Variants in TBL1XR1 observed in about 807,000 individuals in gnomAD.
The protein encoded by TBL1XR1 is F-box-like/WD repeat-containing protein TBL1XR1.
TBL1XR1 carries 5 observed loss-of-function variants against 66.9 expected under a neutral mutation model. That is an observed-to-expected ratio of 0.07 (90% CI 0.04 to 0.16). The LOEUF is 0.16. Among genes scored for constraint, TBL1XR1 ranks in the 10% least tolerant of loss-of-function variants. The pLI, the probability that TBL1XR1 is intolerant of heterozygous loss-of-function variation, is 1.00. For synonymous variants in TBL1XR1, 210 were observed against 206.0 expected (o/e 1.02, Z -0.17); for missense variants, 238 against 623.2 (o/e 0.38, Z 6.58).
rs190342822 is a variant in TBL1XR1, at chr3:177,098,406, C to T, written c.-46+60G>A. ...AATTGTGAGAAACTTTCAAAATTCT[C>T]AAAAGATTCTAAAAACAAGAGAATA... On this transcript the variant is annotated intron_variant, in intron 2 of 15. Transcript: ENST00000457928. 3.7e-5 allele frequency: 35 copies of T among 935,538 alleles called. No homozygotes were observed. The African/African-American group carries it at 5.3e-4, about 14-fold the overall frequency. 58.0% of individuals were successfully genotyped at this position (935,538 alleles called of 1,614,324 possible).
intron 1 of TBL1XR1, among the ~76,000 whole-genome samples, chr3:177,101,407 T>C (rs1255465272): frequency 6.6e-6 from 1 of 152,224 alleles, no homozygotes; most frequent in African/African-American, 2.4e-5. Flanking sequence ...TGTGTTTTAA[T>C]TGTGTCCCTC....
At position 177,047,662 on chromosome 3, in the gene TBL1XR1, C is replaced by T. The variant is rs370669070; in HGVS notation, c.703-113G>A. 1.2e-5 allele frequency: 15 copies of T among 1,240,936 alleles called. No homozygotes were observed. In the African/African-American group the frequency reaches 2.0e-4, roughly 16 times the overall value. The allele number at this position is 1,240,936 out of a possible 1,614,324, so 76.9% of individuals were successfully genotyped here. A position where few individuals can be genotyped will look rare whatever the true frequency, so the allele number is the denominator to read the frequency against. ...CAGAAGAGAATGAAGACATTCTCTG[C>T]TTCAAAACTTGTCAGTTTTGCCTAC... On this transcript the variant is annotated intron_variant, in intron 7 of 15. Coordinates refer to ENST00000457928, the MANE Select transcript of TBL1XR1 (RefSeq NM_024665.7).
chr3:177,046,393 C>T (rs2108474974), intron 9 of TBL1XR1, among the ~76,000 whole-genome samples: 1 of 152,194 alleles, frequency 6.6e-6, no homozygotes, highest in Admixed American at 6.5e-5. Context: ...GATGATTTTG[C>T]ATTGGTCAAC....
intron 1 of TBL1XR1, among the ~76,000 whole-genome samples, chr3:177,125,106 A>G (rs1397136903): frequency 2.6e-5 from 4 of 152,170 alleles, no homozygotes; most frequent in African/African-American, 9.7e-5. Flanking sequence ...TTTCATTTCA[A>G]AAGACAACAT....
At chr3:177,094,357 C>A (rs1723197013) in intron 2 of TBL1XR1, among the ~76,000 whole-genome samples, 1 of 152,112 alleles carries the variant, frequency 6.6e-6, no homozygotes, top group Non-Finnish European at 1.5e-5. Flanking sequence ...GAAAAGGGAA[C>A]ACTTACACTG....
rs76469186 is a variant in TBL1XR1, at chr3:177,138,876, C to A, written c.-121-40335G>T. On this transcript the variant is annotated intron_variant, in intron 1 of 15. Transcript: ENST00000457928. The stretch of plus-strand genomic sequence containing the variant: ...GAGCAGGGTACCATGTGCCTGCTGA[C>A]TCCTCACCCATACTCCCTAGAAGGA... 9.3e-4 allele frequency among the ~76,000 whole-genome samples: 141 copies of A among 152,296 alleles called. 4 individuals carry two copies. The East Asian group carries it at 0.025, about 28-fold the overall frequency.
At chr3:177,164,777 G>C (rs1732628988) in intron 1 of TBL1XR1, among the ~76,000 whole-genome samples, 1 of 152,168 alleles carries the variant, frequency 6.6e-6, no homozygotes, top group Non-Finnish European at 1.5e-5. Context: ...CAGAGTCAAT[G>C]AAATCTCTAT....
At chr3:177,059,023 T>C (rs958574512) in intron 3 of TBL1XR1, among the ~76,000 whole-genome samples, 6 of 152,238 alleles carry the variant, frequency 3.9e-5, no homozygotes, top group African/African-American at 1.4e-4. Flanking sequence ...ATCAAGGTTA[T>C]TCTGTATTTC....
At chr3:177,127,468 A>G (rs1727778481) in intron 1 of TBL1XR1, among the ~76,000 whole-genome samples, 1 of 152,230 alleles carries the variant, frequency 6.6e-6, no homozygotes, top group African/African-American at 2.4e-5. Flanking sequence ...AGTATCTGGT[A>G]TAGCAGGTGC....
At chr3:177,183,240 T>C (rs996073817) in intron 1 of TBL1XR1, among the ~76,000 whole-genome samples, 3 of 152,204 alleles carry the variant, frequency 2.0e-5, no homozygotes, top group African/African-American at 7.2e-5. Context: ...CTAAATTCAC[T>C]GAATAAAATT....
chr3:177,152,569 G>A (rs1442356433), intron 1 of TBL1XR1, among the ~76,000 whole-genome samples: 1 of 152,186 alleles, frequency 6.6e-6, no homozygotes, highest in African/African-American at 2.4e-5. Flanking sequence ...ACAGGCGTGA[G>A]CGTGAGCCAT....
intron 3 of TBL1XR1, among the ~76,000 whole-genome samples, chr3:177,055,543 GGGGGGCGGGGC>G (rs1560123459): frequency 6.6e-6 from 1 of 150,572 alleles, no homozygotes; most frequent in African/African-American, 2.4e-5. Flanking sequence ...GATACCAATC[GGGGGGCGGGGC>G]GGGGGTGGGG....
Position 177,033,717 on chromosome 3 carries a change from G to A in TBL1XR1, c.1250+481C>T, listed in dbSNP as rs147425253. On this transcript the variant is annotated intron_variant, in intron 13 of 15. Coordinates refer to ENST00000457928, the MANE Select transcript of TBL1XR1 (RefSeq NM_024665.7). The stretch of plus-strand genomic sequence containing the variant: ...GCTAACAAGTGGATAAAGAAAATGT[G>A]GTATACATACACCATGGAATACTAC... Among the ~76,000 whole-genome samples the A allele has an allele frequency of 5.2e-3, 798 of 152,036 alleles. 12 individuals are homozygous for A. Among genetic ancestry groups the A allele is most frequent in the African/African-American group, 0.019 (771 of 41,490 alleles).
Position 177,112,103 on chromosome 3 carries a change from A to T in TBL1XR1, c.-121-13562T>A, listed in dbSNP as rs1405928554. Among the ~76,000 whole-genome samples the T allele has an allele frequency of 6.9e-3, 325 of 46,892 alleles. 10 individuals are homozygous for T. Among genetic ancestry groups the T allele is most frequent in the East Asian group, 0.018 (19 of 1,072 alleles). The allele number at this position is 46,892 out of a possible 152,430, so 30.8% of individuals were successfully genotyped here. On this transcript the variant is annotated intron_variant, in intron 1 of 15. Coordinates refer to ENST00000457928, the MANE Select transcript of TBL1XR1 (RefSeq NM_024665.7). ...TATATATATATATATATATATATAT[A>T]TATATTTTTTTTTTTTTTTTTTGTG...
chr3:177,046,395 T>C (rs1001410120), intron 9 of TBL1XR1, among the ~76,000 whole-genome samples: 1 of 152,170 alleles, frequency 6.6e-6, no homozygotes, highest in African/African-American at 2.4e-5. Flanking sequence ...TGATTTTGCA[T>C]TGGTCAACTT....
intron 2 of TBL1XR1, among the ~76,000 whole-genome samples, chr3:177,066,329 G>A (rs1426575761): frequency 1.3e-5 from 2 of 152,104 alleles, no homozygotes; most frequent in African/African-American, 4.8e-5. Flanking sequence ...CACAGAAGAA[G>A]CCCTAACTAA....
intron 2 of TBL1XR1, among the ~76,000 whole-genome samples, chr3:177,082,309 T>C (rs1721492965): frequency 6.6e-6 from 1 of 152,022 alleles, no homozygotes; most frequent in Admixed American, 6.5e-5. Flanking sequence ...ATCAAACCCT[T>C]ATAACATCAA....
At chr3:177,041,295 G>A (rs192410027) in intron 10 of TBL1XR1, 2 of 152,368 alleles carry the variant, frequency 1.3e-5, no homozygotes, top group East Asian at 3.9e-4. Context: ...GTATGTTTTT[G>A]GGAAGGAGGG....
At chr3:177,123,435 T>C (rs941368547) in intron 1 of TBL1XR1, among the ~76,000 whole-genome samples, 3 of 152,082 alleles carry the variant, frequency 2.0e-5, no homozygotes, top group African/African-American at 7.2e-5. Flanking sequence ...TGCTCAAATC[T>C]TTAACAGAGA....
Sources: gnomAD v4.1 joint callset for allele counts (sites outside exome capture counted in the v4.1 genomes callset) on GRCh38, gnomAD v4.1.1 for gene constraint, MANE v1.5 for transcripts, NCBI Gene and HGNC (gene_info 2026-07-23, HGNC 2026-07-21) for gene names.